The following FOXN2 variants were observed in gnomAD, a reference collection of about 807,000 sequenced individuals.
FOXN2 encodes forkhead box protein N2.
Under a neutral mutation model 41.2 loss-of-function variants are expected in FOXN2, and 19 were observed. The ratio of observed to expected loss-of-function variants is 0.46; its 90% confidence interval spans 0.32 to 0.68. The LOEUF (loss-of-function observed/expected upper bound fraction) is 0.68. FOXN2 is among the 30% of genes least tolerant of loss of function. FOXN2 has a pLI of 0.03. For missense variants in FOXN2, 587 were observed against 509.4 expected, an observed-to-expected ratio of 1.15 and a Z score of -1.47; for synonymous variants, 195 against 176.8, an observed-to-expected ratio of 1.10 and a Z score of -0.82.
intron 2 of FOXN2, among the ~76,000 whole-genome samples, chr2:48,342,511 C>T (rs749010933): frequency 4.0e-5 from 6 of 151,888 alleles, no homozygotes; most frequent in Non-Finnish European, 7.4e-5. Flanking sequence ...TTTAGCTTTC[C>T]GAAATGGCCC....
At chr2:48,322,715 A>T (rs982823274) in intron 1 of FOXN2, among the ~76,000 whole-genome samples, 5 of 148,518 alleles carry the variant, frequency 3.4e-5, no homozygotes, top group Non-Finnish European at 5.9e-5. Context: ...TAATTCTGAT[A>T]TATTTGATAT....
intron 2 of FOXN2, among the ~76,000 whole-genome samples, chr2:48,333,172 G>C (rs1022586424): frequency 6.6e-6 from 1 of 151,964 alleles, no homozygotes; most frequent in African/African-American, 2.4e-5. Context: ...TGACAACAGA[G>C]CCATGCATGT....
In FOXN2 at chr2:48,376,759, C is replaced by G. The variant is rs964944627; in HGVS notation, c.*1316C>G. The stretch of plus-strand genomic sequence containing the variant: ...TATTCAGAAACAATAGGATGCTAAA[C>G]TAATTCATTGTATCTTTTTTTTACA... On this transcript the variant is annotated 3_prime_UTR_variant, in exon 7 of 7. Transcript: ENST00000340553. 3 of 152,418 alleles carry G rather than the reference C, an allele frequency of 2.0e-5. No individual in the cohort carries two copies. The highest frequency in any genetic ancestry group is 4.4e-5 in the Non-Finnish European group (3 of 67,908). The allele number at this position is 152,418 out of a possible 1,614,324, so 9.4% of individuals were successfully genotyped here. A position where few individuals can be genotyped will look rare whatever the true frequency, so the allele number is the denominator to read the frequency against.
intron 3 of FOXN2, among the ~76,000 whole-genome samples, chr2:48,347,737 G>A (rs1671206003): frequency 6.6e-6 from 1 of 152,100 alleles, no homozygotes; most frequent in Non-Finnish European, 1.5e-5. Context: ...TGCCCTATTG[G>A]ATTAATTCCT....
intron 2 of FOXN2, among the ~76,000 whole-genome samples, chr2:48,338,806 T>G (rs992126416): frequency 6.6e-6 from 1 of 152,094 alleles, no homozygotes; most frequent in East Asian, 1.9e-4. Context: ...GATTTAAATG[T>G]AAAAGGCAAA....
rs113546529 is a variant in FOXN2 at position 48,376,505 on chromosome 2, A to G, written c.*1062A>G. The G allele has an allele frequency of 3.1e-4, 47 of 152,606 alleles. No individual in the cohort carries two copies. The highest frequency in any genetic ancestry group is 1.7e-4 in the African/African-American group (7 of 41,564). The allele number at this position is 152,606 out of a possible 1,614,324, so 9.5% of individuals were successfully genotyped here. ...ATTAAATCTTAATAGATTTAATGCA[A>G]TTTTACAGACACAATACCTTCATGA... On this transcript the variant is annotated 3_prime_UTR_variant, in exon 7 of 7. Coordinates refer to ENST00000340553, the MANE Select transcript of FOXN2 (RefSeq NM_002158.4).
intron 2 of FOXN2, among the ~76,000 whole-genome samples, chr2:48,335,749 T>C (rs1670297142): frequency 6.6e-6 from 1 of 152,124 alleles, no homozygotes; most frequent in Non-Finnish European, 1.5e-5. Context: ...CTATATTGGC[T>C]GGGCACGGTG....
intron 5 of FOXN2, among the ~76,000 whole-genome samples, chr2:48,370,263 CT>C (rs755904065): frequency 1.3e-5 from 2 of 152,186 alleles, no homozygotes. Context: ...AACTTTTCTT[CT>C]TCAGACGTGT....
intron 3 of FOXN2, among the ~76,000 whole-genome samples, chr2:48,351,360 G>A (rs1235757855): frequency 6.6e-6 from 1 of 152,170 alleles, no homozygotes; most frequent in Non-Finnish European, 1.5e-5. Context: ...TGGCGTGAAG[G>A]AGTTTAAGTT....
upstream of FOXN2, among the ~76,000 whole-genome samples, chr2:48,313,863 A>T (rs4547573): frequency 0.45 from 67,668 of 151,866 alleles, 15,251 homozygotes; most frequent in East Asian, 0.53. Context: ...TTATATTTTT[A>T]AAAAAAATCT....
upstream of FOXN2, among the ~76,000 whole-genome samples, chr2:48,314,410 C>A (rs1037392087): frequency 6.6e-6 from 1 of 152,232 alleles, no homozygotes; most frequent in Admixed American, 6.5e-5. Context: ...ACCCTGCTTT[C>A]CGTGTGAGCC....
intron 3 of FOXN2, among the ~76,000 whole-genome samples, chr2:48,353,447 C>T (rs904570060): frequency 6.6e-6 from 1 of 151,890 alleles, no homozygotes; most frequent in Non-Finnish European, 1.5e-5. Flanking sequence ...CTGTTTGTTA[C>T]CTTTATAACA....
intron 4 of FOXN2, 150 bp from the exon 5 acceptor site, chr2:48,362,493 C>T (rs1320837513): frequency 1.5e-5 from 10 of 651,990 alleles, no homozygotes; most frequent in Admixed American, 2.5e-5. Flanking sequence ...CACCTGAGCT[C>T]AGAAAGTCAA....
At chr2:48,317,543 A>G (rs1157642160) in intron 1 of FOXN2, among the ~76,000 whole-genome samples, 2 of 145,022 alleles carry the variant, frequency 1.4e-5, no homozygotes, top group Non-Finnish European at 3.0e-5. Flanking sequence ...GTCACATGTG[A>G]CTTCAAAATT....
chr2:48,361,027 A>AAT (rs967259004), intron 4 of FOXN2, among the ~76,000 whole-genome samples: 1 of 149,172 alleles, frequency 6.7e-6, no homozygotes, highest in African/African-American at 2.5e-5. Flanking sequence ...AAAAAAAAAA[A>AAT]GATTATATGA....
intron 5 of FOXN2, among the ~76,000 whole-genome samples, chr2:48,367,641 T>C (rs1672616898): frequency 6.6e-6 from 1 of 152,236 alleles, no homozygotes; most frequent in Non-Finnish European, 1.5e-5. Context: ...ACCATTTGAA[T>C]TATTTCTATA....
Position 48,343,468 on chromosome 2 carries a change from T to G in FOXN2, c.-14-2733T>G, listed in dbSNP as rs1670897936. On this transcript the variant is annotated intron_variant, in intron 2 of 6. Transcript: ENST00000340553. ...CATTAGGAATGCAAAAGTAAAAAAC[T>G]CTTATCCCAGCTAGGCATGGTGGCT... Among the ~76,000 whole-genome samples the G allele has an allele frequency of 2.0e-5, 3 of 152,130 alleles. No individual in the cohort carries two copies. In the South Asian group the frequency reaches 6.2e-4, roughly 31 times the overall value.
intron 1 of FOXN2, among the ~76,000 whole-genome samples, chr2:48,320,415 C>T (rs921278619): frequency 1.3e-5 from 2 of 151,956 alleles, no homozygotes; most frequent in Admixed American, 1.3e-4. Context: ...CTCAGCCTCC[C>T]GAATAGCTAG....
intron 1 of FOXN2, among the ~76,000 whole-genome samples, chr2:48,318,515 C>G (rs1301868678): frequency 6.6e-6 from 1 of 152,158 alleles, no homozygotes; most frequent in African/African-American, 2.4e-5. Context: ...TTACCTTGAT[C>G]AGGTGGTTGA....
Sources: gnomAD v4.1 joint callset for allele counts (sites outside exome capture counted in the v4.1 genomes callset) on GRCh38, gnomAD v4.1.1 for gene constraint, MANE v1.5 for transcripts, NCBI Gene and HGNC (gene_info 2026-07-23, HGNC 2026-07-21) for gene names.